The following CHIA variants were observed in gnomAD, a reference collection of about 807,000 sequenced individuals.
The protein encoded by CHIA is acidic mammalian chitinase.
A neutral mutation model predicts 53.5 loss-of-function variants in CHIA; 47 were observed. That is an observed-to-expected ratio of 0.88 (90% CI 0.70 to 1.12). The LOEUF is 1.12. CHIA is among the 50% of genes most tolerant of loss of function. The pLI is 0.00. For missense variants in CHIA, 652 were observed against 592.2 expected (o/e 1.10, Z -1.05); for synonymous variants, 268 against 222.2 (o/e 1.21, Z -1.83).
At chr1:111,311,760 A>G (rs189455113) in intron 3 of CHIA, 42 bp downstream of exon 3, 48 of 1,593,466 alleles carry the variant, frequency 3.0e-5, no homozygotes, top group Admixed American at 8.3e-5. Context: ...ATGTATATAT[A>G]CGAGATAAAC....
At chr1:111,302,192 C>T (rs1418936373) in intron 1 of CHIA, among the ~76,000 whole-genome samples, 1 of 151,880 alleles carries the variant, frequency 6.6e-6, no homozygotes, top group Non-Finnish European at 1.5e-5. Context: ...AATGTTTTAT[C>T]TTCTCAAAGA....
intron 3 of CHIA, 122 bp from the exon 4 acceptor site, chr1:111,312,068 A>T (rs1240725188): frequency 1.1e-5 from 8 of 745,446 alleles, no homozygotes; most frequent in Non-Finnish European, 1.9e-5. Flanking sequence ...CATACTAATT[A>T]CCTCCACACA....
intron 1 of CHIA, among the ~76,000 whole-genome samples, chr1:111,299,474 C>T (rs1369891346): frequency 6.6e-6 from 1 of 152,178 alleles, no homozygotes; most frequent in Non-Finnish European, 1.5e-5. Flanking sequence ...ATAAACAGAA[C>T]CAATGACAAA....
chr1:111,316,674 G>C (rs1041011920), intron 6 of CHIA: 1 of 152,186 alleles, frequency 6.6e-6, no homozygotes, highest in African/African-American at 2.4e-5. Context: ...AGAGTGCCCA[G>C]TAGGCATCAG....
At position 111,312,349 on chromosome 1, in the gene CHIA, AT is replaced by A. The variant is rs979641265; in HGVS notation, c.216del (p.Asn72LysfsTer3). On this transcript the variant is annotated frameshift_variant, in exon 4 of 12. Coordinates refer to ENST00000369740, the MANE Select transcript of CHIA (RefSeq NM_201653.4). LOFTEE classifies it high-confidence loss of function. ...QNNEITTIEWNDVTLYQAFNG... is the reference protein window; with the variant it reads ...QNNEITTIEWXDVTLYQAFNG... ...AACGAGATCACCACCATCGAATGGA[AT>A]GATGTGACTCTCTACCAAGCTTTCA... 6.2e-7 allele frequency: 1 copy of A among 1,614,062 alleles called. No individual in the cohort carries two copies. Among genetic ancestry groups the A allele is most frequent in the African/African-American group, 1.3e-5 (1 of 74,918 alleles).
chr1:111,305,943 CAAGT>C (rs1392771079), intron 1 of CHIA, among the ~76,000 whole-genome samples: 2 of 151,996 alleles, frequency 1.3e-5, no homozygotes, highest in African/African-American at 4.8e-5. Context: ...TTTATAGAAA[CAAGT>C]AATAAATAGA....
intron 1 of CHIA, among the ~76,000 whole-genome samples, chr1:111,291,839 G>C (rs28523674): frequency 5.5e-5 from 8 of 144,816 alleles, no homozygotes; most frequent in Admixed American, 5.0e-4. Context: ...TCGGGGGGGG[G>C]TGGGGGTAGG....
At chr1:111,310,248 C>T (rs1648552969) in intron 1 of CHIA, 152 bp from the exon 2 acceptor site, 2 of 886,492 alleles carry the variant, frequency 2.3e-6, no homozygotes, top group Non-Finnish European at 3.2e-6. Context: ...GGAGCCATGA[C>T]ATTGTTCTGT....
intron 4 of CHIA, among the ~76,000 whole-genome samples, chr1:111,312,807 C>T (rs1335222072): frequency 6.6e-6 from 1 of 151,950 alleles, no homozygotes; most frequent in Non-Finnish European, 1.5e-5. Flanking sequence ...CCCCCATCCC[C>T]ACACCACCCC....
At chr1:111,301,534 C>T (rs200856093) in intron 1 of CHIA, among the ~76,000 whole-genome samples, 2 of 151,734 alleles carry the variant, frequency 1.3e-5, no homozygotes, top group East Asian at 3.9e-4. Flanking sequence ...CCCGTCTCTA[C>T]TTAAAATACA....
At chr1:111,303,530 T>C (rs1488594905) in intron 1 of CHIA, among the ~76,000 whole-genome samples, 1 of 152,022 alleles carries the variant, frequency 6.6e-6, no homozygotes, top group Non-Finnish European at 1.5e-5. Flanking sequence ...TTCTTCCCCA[T>C]TGGTTACAAT....
At chr1:111,319,289 A>G in intron 10 of CHIA, 38 bp from the exon 11 acceptor site, 1 of 1,614,078 alleles carries the variant, frequency 6.2e-7, no homozygotes, top group Non-Finnish European at 8.5e-7. Context: ...GAGTCCCAGG[A>G]AAGCAAGTGA....
intron 1 of CHIA, among the ~76,000 whole-genome samples, chr1:111,302,966 C>T (rs66475510): frequency 2.0e-5 from 3 of 151,754 alleles, no homozygotes; most frequent in South Asian, 2.1e-4. Context: ...TGTAATTGTT[C>T]GATTCTTGCT....
chr1:111,297,707 T>A (rs1407349959), intron 1 of CHIA, among the ~76,000 whole-genome samples: 1 of 151,974 alleles, frequency 6.6e-6, no homozygotes. Context: ...AATGACAGCA[T>A]CAAATTCACA....
At chr1:111,317,010 T>C (rs1442429874) in intron 6 of CHIA, 1 of 152,320 alleles carries the variant, frequency 6.6e-6, no homozygotes, top group African/African-American at 2.4e-5. Context: ...CTTAATGTCT[T>C]AAGACAGCTG....
chr1:111,313,610 T>A (rs1484532513), intron 4 of CHIA, among the ~76,000 whole-genome samples: 1 of 152,210 alleles, frequency 6.6e-6, no homozygotes, highest in Non-Finnish European at 1.5e-5. Flanking sequence ...GGTAGTCTCT[T>A]CACTCTGTTT....
chr1:111,295,381 G>T (rs1460156464), intron 1 of CHIA, among the ~76,000 whole-genome samples: 2 of 152,104 alleles, frequency 1.3e-5, no homozygotes, highest in Non-Finnish European at 1.5e-5. Context: ...CTCCTTAGTG[G>T]TTATAAGTCT....
intron 6 of CHIA, 163 bp from the exon 7 acceptor site, chr1:111,317,518 C>T (rs1649253786): frequency 2.8e-6 from 2 of 712,188 alleles, no homozygotes; most frequent in South Asian, 3.8e-5. Context: ...ATAATATTAT[C>T]TATCCGATCT....
intron 1 of CHIA, among the ~76,000 whole-genome samples, chr1:111,292,591 C>A (rs1661095322): frequency 6.6e-6 from 1 of 152,020 alleles, no homozygotes; most frequent in African/African-American, 2.4e-5. Flanking sequence ...TAAAATAGAC[C>A]AAAACAAATT....
Sources: gnomAD v4.1 joint callset for allele counts (sites outside exome capture counted in the v4.1 genomes callset) on GRCh38, gnomAD v4.1.1 for gene constraint, MANE v1.5 for transcripts, NCBI Gene and HGNC (gene_info 2026-07-23, HGNC 2026-07-21) for gene names.